Variants in PYROXD1 observed in about 807,000 individuals in gnomAD.
PYROXD1 encodes the protein tRNA ligase complex-associated NAD(P)H dehydrogenase PYROXD1.
A neutral mutation model predicts 62.0 loss-of-function variants in PYROXD1; 42 were observed. The ratio of observed to expected loss-of-function variants is 0.68; its 90% CI spans 0.53 to 0.88. The LOEUF is 0.88. PYROXD1 is among the 40% of genes least tolerant of loss of function. The pLI is 0.00. For missense variants in PYROXD1, 493 were observed against 604.8 expected (o/e 0.82, Z 1.94); for synonymous variants, 170 against 206.4 (o/e 0.82, Z 1.51).
At chr12:21,440,802 T>G (rs539872513) in intron 2 of PYROXD1, among the ~76,000 whole-genome samples, 2 of 152,208 alleles carry the variant, frequency 1.3e-5, no homozygotes, top group African/African-American at 4.8e-5. Context: ...AGCTATAGGC[T>G]TGTATATGAC....
intron 2 of PYROXD1, among the ~76,000 whole-genome samples, chr12:21,442,756 C>T (rs1034932802): frequency 2.6e-5 from 4 of 152,320 alleles, no homozygotes; most frequent in Admixed American, 2.0e-4. Flanking sequence ...TTGGTCCCCT[C>T]ACAGTAGCAA....
At chr12:21,460,678 G>T (rs1227537399) in intron 7 of PYROXD1, among the ~76,000 whole-genome samples, 2 of 152,112 alleles carry the variant, frequency 1.3e-5, no homozygotes, top group African/African-American at 4.8e-5. Context: ...CTGCGCCTCG[G>T]CCTCCCAGAG....
chr12:21,447,061 A>T (rs1314510773), intron 3 of PYROXD1, among the ~76,000 whole-genome samples: 1 of 152,238 alleles, frequency 6.6e-6, no homozygotes, highest in South Asian at 2.1e-4. Context: ...AACCCTTTAC[A>T]TGAGAATGAA....
At chr12:21,465,746 C>A (rs1385442856) in intron 10 of PYROXD1, among the ~76,000 whole-genome samples, 3 of 152,046 alleles carry the variant, frequency 2.0e-5, no homozygotes, top group Non-Finnish European at 2.9e-5. Flanking sequence ...TTGCCCATGC[C>A]TATGTCCTGA....
In PYROXD1 at chr12:21,451,142, G is replaced by A. The variant is rs1418950914; in HGVS notation, c.415-939G>A. On this transcript the variant is annotated intron_variant, in intron 4 of 11. Coordinates refer to ENST00000240651, the MANE Select transcript of PYROXD1 (RefSeq NM_024854.5). ...TGGAGATAAATTTAATATAAATTTA[G>A]TAGGAGGGCCAGATGTCATTCTGAA... is the stretch of plus-strand genomic sequence containing the variant. Among the ~76,000 whole-genome samples the A allele has an allele frequency of 4.6e-5, 7 of 152,082 alleles. 1 individual carries two copies. The highest frequency in any genetic ancestry group is 2.6e-4 in the Admixed American group (4 of 15,266).
chr12:21,439,487 G>A (rs950799098), intron 1 of PYROXD1, among the ~76,000 whole-genome samples: 1 of 152,218 alleles, frequency 6.6e-6, no homozygotes, highest in African/African-American at 2.4e-5. Flanking sequence ...TCGCATGGGT[G>A]TTGGGCACGA....
At chr12:21,460,385 A>C (rs936188601) in intron 7 of PYROXD1, among the ~76,000 whole-genome samples, 1 of 150,866 alleles carries the variant, frequency 6.6e-6, no homozygotes, top group Non-Finnish European at 1.5e-5. Flanking sequence ...AACTGTTGTC[A>C]TTTTTTAAAT....
intron 5 of PYROXD1, chr12:21,454,697 A>G (rs1942563268): frequency 6.6e-6 from 1 of 152,122 alleles, no homozygotes; most frequent in Non-Finnish European, 1.5e-5. Context: ...TGAAGATATA[A>G]AAAGTTGTTA....
chr12:21,467,220 T>C, intron 10 of PYROXD1: 1 of 315,732 alleles, frequency 3.2e-6, no homozygotes, highest in Non-Finnish European at 5.8e-6. Context: ...TAGCTTAATA[T>C]AGTTTCATAA....
chr12:21,440,753 T>C (rs1185945565), intron 2 of PYROXD1, among the ~76,000 whole-genome samples: 2 of 152,232 alleles, frequency 1.3e-5, no homozygotes, highest in Non-Finnish European at 2.9e-5. Flanking sequence ...TTCTTGATCT[T>C]GGAAAAGCTT....
intron 5 of PYROXD1, among the ~76,000 whole-genome samples, chr12:21,453,067 T>C (rs1434927589): frequency 1.3e-5 from 2 of 152,066 alleles, no homozygotes; most frequent in Non-Finnish European, 2.9e-5. Context: ...AAAACCAAAA[T>C]GTGGGCCAAG....
chr12:21,470,814 A>C lies in PYROXD1; in HGVS notation c.*2060A>C. ...ATTCTTTCACTTACATCTTTACAGA[A>C]AACTATATTTTCTCTCTTCCATACC... On this transcript the variant is annotated 3_prime_UTR_variant, in exon 12 of 12. Transcript: ENST00000240651. The C allele has an allele frequency of 2.1e-6, 1 of 485,436 alleles. No individual in the cohort carries two copies. The highest frequency in any genetic ancestry group is 3.3e-6 in the Non-Finnish European group (1 of 302,692). 30.1% of individuals were successfully genotyped at this position (485,436 alleles called of 1,614,324 possible).
chr12:21,437,882 C>T (rs566421694), intron 1 of PYROXD1, 68 bp downstream of exon 1: 37 of 1,317,390 alleles, frequency 2.8e-5, no homozygotes, highest in Middle Eastern at 1.9e-4. Context: ...GGAGGCCTTC[C>T]TCCCACCCCC....
In PYROXD1 at chr12:21,445,310, T is replaced by A. The variant is rs1226463091; in HGVS notation, c.166-37T>A. The A allele has an allele frequency of 6.0e-6, 9 of 1,493,938 alleles. No homozygotes were observed. In the African/African-American group the frequency reaches 1.3e-4, roughly 21 times the overall value. 92.5% of individuals were successfully genotyped at this position (1,493,938 alleles called of 1,614,324 possible). A position where few individuals can be genotyped will look rare whatever the true frequency, so the allele number is the denominator to read the frequency against. On this transcript the variant is annotated intron_variant, in intron 2 of 11. Coordinates refer to ENST00000240651, the MANE Select transcript of PYROXD1 (RefSeq NM_024854.5). Reference sequence around the variant, plus strand: ...TTAAGATTCTTGAAAGAAAATACTTTAAAAATATACATTTTTAATCTCTTG... The same window carrying A: ...TTAAGATTCTTGAAAGAAAATACTTAAAAAATATACATTTTTAATCTCTTG...
intron 10 of PYROXD1, among the ~76,000 whole-genome samples, chr12:21,464,141 T>C (rs1030442254): frequency 3.3e-5 from 5 of 150,864 alleles, no homozygotes; most frequent in Non-Finnish European, 7.4e-5. Context: ...TTATGGGTTT[T>C]TTTTTTTTTA....
chr12:21,454,935 C>T, intron 5 of PYROXD1, 197 bp from the exon 6 acceptor site: 1 of 362,470 alleles, frequency 2.8e-6, no homozygotes, highest in Non-Finnish European at 5.0e-6. Flanking sequence ...TAAACTGCTT[C>T]AGATTCTTTT....
intron 9 of PYROXD1, 68 bp downstream of exon 9, chr12:21,462,188 C>G: frequency 1.2e-6 from 1 of 827,246 alleles, no homozygotes; most frequent in East Asian, 2.5e-5. Flanking sequence ...CTCTAATTCT[C>G]AAACATGAAT....
intron 7 of PYROXD1, among the ~76,000 whole-genome samples, chr12:21,457,842 A>AGTC (rs71043277): frequency 2.0e-5 from 3 of 152,240 alleles, no homozygotes; most frequent in South Asian, 2.1e-4. Flanking sequence ...CCGTACCTCC[A>AGTC]ACATTGGGGA....
At chr12:21,447,354 A>G (rs766607006) in intron 3 of PYROXD1, among the ~76,000 whole-genome samples, 8 of 152,232 alleles carry the variant, frequency 5.3e-5, no homozygotes, top group Non-Finnish European at 1.0e-4. Context: ...TTATAGTGGT[A>G]TTACATATTC....
Sources: allele counts gnomAD v4.1 joint callset (sites outside exome capture counted in the v4.1 genomes callset), GRCh38; gene constraint gnomAD v4.1.1; transcripts MANE v1.5; gene names NCBI Gene and HGNC (gene_info 2026-07-23, HGNC 2026-07-21).